ANKRD36C: variants seen among roughly 807,000 people sequenced by gnomAD.
The protein encoded by ANKRD36C is ankyrin repeat domain-containing protein 36C.
In ANKRD36C, 61 loss-of-function variants were observed where a neutral mutation model predicts 276.4. That is an observed-to-expected ratio of 0.22 (90% CI 0.18 to 0.27). The LOEUF is 0.27. ANKRD36C is among the 10% of genes least tolerant of loss of function. The pLI is 1.00. For synonymous variants in ANKRD36C, 483 were observed against 680.1 expected (o/e 0.71, Z 4.51); for missense variants, 1,447 against 2,032.3 (o/e 0.71, Z 5.54).
chr2:95,963,962 T>C (rs1370834018), intron 6 of ANKRD36C, among the ~76,000 whole-genome samples: 3 of 65,694 alleles, frequency 4.6e-5, no homozygotes, highest in African/African-American at 1.7e-4. Flanking sequence ...TATATAAATA[T>C]ATATATATAA....
intron 3 of ANKRD36C, among the ~76,000 whole-genome samples, chr2:95,984,543 G>C (rs1405863212): frequency 6.6e-6 from 1 of 152,136 alleles, no homozygotes; most frequent in Non-Finnish European, 1.5e-5. Context: ...TGTAACGCAA[G>C]TATTTTCATG....
At chr2:95,891,946 T>C (rs1022963832) in intron 44 of ANKRD36C, 86 bp from the exon 65 acceptor site, 27 of 1,539,326 alleles carry the variant, frequency 1.8e-5, no homozygotes, top group East Asian at 4.9e-5. Flanking sequence ...CATCAACCTC[T>C]GTCCTCCTGC....
At chr2:95,968,803 G>A (rs904980648) in intron 6 of ANKRD36C, among the ~76,000 whole-genome samples, 1 of 152,138 alleles carries the variant, frequency 6.6e-6, no homozygotes, top group Non-Finnish European at 1.5e-5. Context: ...ACTTCAAGTT[G>A]GGTTTCCCAG....
chr2:95,990,503 T>C (rs539773456), intron 1 of ANKRD36C, among the ~76,000 whole-genome samples: 1 of 152,344 alleles, frequency 6.6e-6, no homozygotes, highest in African/African-American at 2.4e-5. Flanking sequence ...CATTTTCATA[T>C]CTAGAAAGGC....
intron 4 of ANKRD36C, 36 bp downstream of exon 4, chr2:95,982,220 G>C (rs1322159258): frequency 6.9e-7 from 1 of 1,451,524 alleles, no homozygotes; most frequent in African/African-American, 1.4e-5. Context: ...TGACACTCAG[G>C]TTTAAAAACA....
At chr2:95,974,552 C>T (rs1451259320) in intron 6 of ANKRD36C, among the ~76,000 whole-genome samples, 1 of 152,010 alleles carries the variant, frequency 6.6e-6, no homozygotes, top group Non-Finnish European at 1.5e-5. Context: ...ACAAAGTGTC[C>T]CAGAACACAG....
At chr2:95,865,252 G>A (rs1376376287) in intron 60 of ANKRD36C, among the ~76,000 whole-genome samples, 2 of 151,832 alleles carry the variant, frequency 1.3e-5, no homozygotes. Context: ...GAGTAGATTC[G>A]CTATTGTTAA....
intron 44 of ANKRD36C, among the ~76,000 whole-genome samples, chr2:95,896,994 A>G (rs1414328559): frequency 1.3e-5 from 2 of 148,268 alleles, no homozygotes; most frequent in African/African-American, 5.0e-5. Flanking sequence ...GAATTAAAGC[A>G]AAATTATGTT....
intron 7 of ANKRD36C, 34 bp downstream of exon 7, chr2:95,962,485 T>C: frequency 6.3e-7 from 1 of 1,596,984 alleles, no homozygotes; most frequent in Non-Finnish European, 8.5e-7. Context: ...ACTATATAGT[T>C]AATAGTTCAA....
chr2:95,989,674 T>C (rs1306080081), intron 1 of ANKRD36C, among the ~76,000 whole-genome samples: 8 of 152,190 alleles, frequency 5.3e-5, no homozygotes, highest in Admixed American at 3.3e-4. Flanking sequence ...ATAATGGAAT[T>C]GATGGGTGAA....
intron 59 of ANKRD36C, among the ~76,000 whole-genome samples, chr2:95,873,761 T>C (rs1239418752): frequency 3.3e-5 from 5 of 152,202 alleles, no homozygotes; most frequent in Admixed American, 1.3e-4. Flanking sequence ...GATGACATGA[T>C]TGTATAACTA....
At chr2:95,978,530 T>G (rs1678857705) in intron 5 of ANKRD36C, among the ~76,000 whole-genome samples, 1 of 152,102 alleles carries the variant, frequency 6.6e-6, no homozygotes, top group Admixed American at 6.6e-5. Flanking sequence ...AATGTCTTCT[T>G]CTAGATTTTA....
chr2:95,891,342 C>G (rs1676350455), intron 46 of ANKRD36C, among the ~76,000 whole-genome samples: 1 of 151,442 alleles, frequency 6.6e-6, no homozygotes, highest in Non-Finnish European at 1.5e-5. Flanking sequence ...TATACTTCCT[C>G]TCTTTCTCCT....
At chr2:95,860,540 A>G (rs1675550376) in intron 60 of ANKRD36C, among the ~76,000 whole-genome samples, 1 of 152,234 alleles carries the variant, frequency 6.6e-6, no homozygotes, top group African/African-American at 2.4e-5. Context: ...GGAGTAACAG[A>G]TACTGATTTT....
At position 95,862,584 on chromosome 2, in the gene ANKRD36C, A is replaced by G. The variant is rs1259533527; in HGVS notation, c.3683-2510T>C. Among the ~76,000 whole-genome samples, 5 of 151,402 alleles carry G rather than the reference A, an allele frequency of 3.3e-5. No homozygotes were observed. In the East Asian group the frequency reaches 9.7e-4, roughly 29 times the overall value. ...TGAATGTCTACATTAGAAGAGTCTT[A>G]AATCAATGACTTTGACTTCTACCTT... is the stretch of plus-strand genomic sequence containing the variant. On this transcript the variant is annotated intron_variant, in intron 60 of 66. Coordinates refer to ENST00000456556, the Ensembl canonical transcript of ANKRD36C.
intron 6 of ANKRD36C, among the ~76,000 whole-genome samples, chr2:95,968,654 T>C (rs1337724652): frequency 6.6e-6 from 1 of 152,204 alleles, no homozygotes; most frequent in Non-Finnish European, 1.5e-5. Context: ...TCAATTCCTA[T>C]GGGTGCCCTG....
chr2:95,956,255 T>A (rs1308817730), intron 13 of ANKRD36C, among the ~76,000 whole-genome samples: 1 of 152,210 alleles, frequency 6.6e-6, no homozygotes, highest in Non-Finnish European at 1.5e-5. Context: ...TACGGTCTTG[T>A]GGCCACAGGT....
At position 95,884,067 on chromosome 2, in the gene ANKRD36C, G is replaced by A. The variant is rs1573738683; in HGVS notation, c.3265+106C>T. 3.3e-5 allele frequency: 43 copies of A among 1,298,336 alleles called. No homozygotes were observed. The East Asian group carries it at 1.1e-3, about 33-fold the overall frequency. The allele number at this position is 1,298,336 out of a possible 1,614,324, so 80.4% of individuals were successfully genotyped here. A position where few individuals can be genotyped will look rare whatever the true frequency, so the allele number is the denominator to read the frequency against. On this transcript the variant is annotated intron_variant, in intron 54 of 66. Coordinates refer to ENST00000456556, the Ensembl canonical transcript of ANKRD36C. Reference sequence around the variant, plus strand: ...ACAAATGAAGAATCTCAGGTCTGCAGAATCAGAATGTGCAGCTTCGACGAG... The same window carrying A: ...ACAAATGAAGAATCTCAGGTCTGCAAAATCAGAATGTGCAGCTTCGACGAG...
At chr2:95,921,928 T>C in intron 32 of ANKRD36C, 118 bp from the exon 33 acceptor site, 2 of 1,117,632 alleles carry the variant, frequency 1.8e-6, no homozygotes, top group Non-Finnish European at 2.5e-6. Context: ...TTTGATGTTT[T>C]CTACTTTATG....
Sources: allele counts gnomAD v4.1 joint callset (sites outside exome capture counted in the v4.1 genomes callset), GRCh38; gene constraint gnomAD v4.1.1; transcripts MANE v1.5; gene names NCBI Gene and HGNC (gene_info 2026-07-23, HGNC 2026-07-21).